Variants in ZNF180 observed in about 807,000 individuals in gnomAD.
ZNF180 encodes the protein zinc finger protein 180.
Under a neutral mutation model 11.8 loss-of-function variants are expected in ZNF180, and 11 were observed. The observed-to-expected ratio is 0.93, with a 90% CI of 0.59 to 1.55. The LOEUF (loss-of-function observed/expected upper bound fraction) is 1.55, where lower values mean the gene tolerates loss of function less well. ZNF180 is among the 40% of genes most tolerant of loss of function. The pLI is 0.00. For missense variants in ZNF180, 773 were observed against 781.7 expected, an observed-to-expected ratio of 0.99 and a Z score of 0.13; for synonymous variants, 287 against 257.7, an observed-to-expected ratio of 1.11 and a Z score of -1.09.
intron 2 of ZNF180, among the ~76,000 whole-genome samples, chr19:44,491,895 A>T (rs547135913): frequency 2.0e-5 from 3 of 152,188 alleles, no homozygotes; most frequent in Non-Finnish European, 4.4e-5. Flanking sequence ...TTTTTTGAAG[A>T]AAAGAGTAAT....
intron 1 of ZNF180, among the ~76,000 whole-genome samples, chr19:44,498,599 C>A (rs966661223): frequency 3.3e-5 from 5 of 152,110 alleles, no homozygotes; most frequent in Non-Finnish European, 7.4e-5. Context: ...CACAAAGACC[C>A]CAGCACCCTC....
chr19:44,484,561 T>C (rs1970173840), intron 2 of ZNF180, 126 bp from the exon 3 acceptor site: 1 of 691,894 alleles, frequency 1.4e-6, no homozygotes, highest in African/African-American at 1.7e-5. Flanking sequence ...TCCCACCATA[T>C]TTCTCCTCCC....
At chr19:44,480,418 C>A (rs2571050) in intron 3 of ZNF180, among the ~76,000 whole-genome samples, 1 of 152,130 alleles carries the variant, frequency 6.6e-6, no homozygotes, top group Non-Finnish European at 1.5e-5. Context: ...TTGTCTTTCC[C>A]TGGCGAGTTT....
At chr19:44,484,033 C>T (rs1970153882) in intron 3 of ZNF180, among the ~76,000 whole-genome samples, 1 of 148,254 alleles carries the variant, frequency 6.7e-6, no homozygotes, top group Non-Finnish European at 1.5e-5. Flanking sequence ...CTCACTCTGT[C>T]GCCCAGGCTG....
intron 3 of ZNF180, among the ~76,000 whole-genome samples, chr19:44,483,400 A>G (rs1336251497): frequency 1.3e-5 from 2 of 152,244 alleles, no homozygotes; most frequent in Admixed American, 1.3e-4. Context: ...TCAATCTGCT[A>G]TCTGTGGAAA....
At chr19:44,492,764 T>C (rs1970481744) in intron 2 of ZNF180, among the ~76,000 whole-genome samples, 1 of 139,892 alleles carries the variant, frequency 7.1e-6, no homozygotes, top group African/African-American at 2.8e-5. Flanking sequence ...GACTCAATTC[T>C]CAGAGCTTTG....
chr19:44,497,406 G>T, intron 1 of ZNF180, 29 bp from the exon 2 acceptor site: 6 of 1,571,566 alleles, frequency 3.8e-6, no homozygotes, highest in Non-Finnish European at 5.2e-6. Flanking sequence ...ACAGCATGAA[G>T]ATGTAGGTCT....
chr19:44,487,035 T>C (rs567562062), intron 2 of ZNF180, among the ~76,000 whole-genome samples: 6 of 151,970 alleles, frequency 3.9e-5, no homozygotes, highest in Admixed American at 1.3e-4. Context: ...AGAGTGAGAC[T>C]CCATCTCAAA....
In ZNF180 at chr19:44,476,663, T is replaced by C; in HGVS notation, c.1737A>G (p.Glu579=). 1.2e-6 allele frequency: 2 copies of C among 1,614,192 alleles called. No individual in the cohort carries two copies. Among genetic ancestry groups the C allele is most frequent in the Non-Finnish European group, 1.7e-6 (2 of 1,179,996 alleles). ...QRTHTGEKPY[E]CSQCGKSFRQ... is the part of the protein sequence containing the mutation. ...TGAAGGACTTCCCACATTGACTGCATTCATAGGGCTTTTCTCCAGTATGAG... is the reference window on the plus strand; with the variant it reads ...TGAAGGACTTCCCACATTGACTGCACTCATAGGGCTTTTCTCCAGTATGAG... Residue 579 remains glutamate (E), a synonymous_variant, in exon 5 of 5, where the codon GAA becomes GAG. Coordinates refer to ENST00000592529, the MANE Select transcript of ZNF180 (RefSeq NM_001278509.3).
intron 2 of ZNF180, chr19:44,485,254 G>A (rs1017272874): frequency 2.0e-5 from 3 of 151,352 alleles, no homozygotes. Context: ...TCAGTAAAAG[G>A]TAGCCTCAAC....
chr19:44,477,456 TGAGTAAGGGAG>T lies in ZNF180; in HGVS notation c.933_943del (p.Ser312LysfsTer5), dbSNP rs1189477576. 1 of 1,614,092 alleles carries T rather than the reference TGAGTAAGGGAG, an allele frequency of 6.2e-7. No individual in the cohort carries two copies. On this transcript the variant is annotated frameshift_variant, in exon 5 of 5. Transcript: ENST00000592529. LOFTEE classifies it low-confidence loss of function (END_TRUNC). ...CTCTTCAGAATTATTTCTCATGTTT[TGAGTAAGGGAG>T]GAACTATGAGAGGTTTCACTACATT... is the stretch of plus-strand genomic sequence containing the variant.
rs1969873534 is a variant in ZNF180 at position 44,476,459 on chromosome 19, A to G, written c.1941T>C (p.Tyr647=). 1.2e-6 allele frequency: 2 copies of G among 1,613,676 alleles called. No individual in the cohort carries two copies. Among genetic ancestry groups the G allele is most frequent in the South Asian group, 1.1e-5 (1 of 91,034 alleles). ...IQCGKAFINS[Y]KLIRHQATHT... The stretch of plus-strand genomic sequence containing the variant: ...GAGTTGCCTGATGCCTAATAAGTTT[A>G]TAGCTATTAATGAAAGCTTTTCCAC... Residue 647 remains tyrosine, a synonymous_variant, in exon 5 of 5, where the codon TAT becomes TAC. Transcript: ENST00000592529.
chr19:44,476,281 G>T lies in ZNF180; in HGVS notation c.*121C>A. The T allele has an allele frequency of 1.0e-6, 1 of 958,372 alleles. No individual in the cohort carries two copies. The highest frequency in any genetic ancestry group is 1.5e-6 in the Non-Finnish European group (1 of 679,746). The allele number at this position is 958,372 out of a possible 1,614,324, so 59.4% of individuals were successfully genotyped here. On this transcript the variant is annotated 3_prime_UTR_variant, in exon 5 of 5. Coordinates refer to ENST00000592529, the MANE Select transcript of ZNF180 (RefSeq NM_001278509.3). Reference sequence around the variant, plus strand: ...AATTTGAGACACACAATTAACAGAGGGCTGGAAGTTTTCCCACATATATTG... The same window carrying T: ...AATTTGAGACACACAATTAACAGAGTGCTGGAAGTTTTCCCACATATATTG...
chr19:44,499,457 C>T (rs1970678904), intron 1 of ZNF180, among the ~76,000 whole-genome samples: 1 of 152,226 alleles, frequency 6.6e-6, no homozygotes, highest in African/African-American at 2.4e-5. Context: ...GCAGCTCTGT[C>T]CTTCCTGGAC....
chr19:44,489,131 C>A (rs1323662365), intron 2 of ZNF180, among the ~76,000 whole-genome samples: 1 of 146,618 alleles, frequency 6.8e-6, no homozygotes, highest in African/African-American at 2.5e-5. Context: ...CCCGGCCAGC[C>A]GCCCCGTCCG....
intron 2 of ZNF180, among the ~76,000 whole-genome samples, chr19:44,490,044 AGGGAAGG>A: frequency 1.5e-5 from 2 of 131,598 alleles, no homozygotes; most frequent in South Asian, 2.6e-4. Context: ...GAAAGAGGGA[AGGGAAGG>A]GAAAGAGGGA....
chr19:44,499,662 C>T (rs1970687198), intron 1 of ZNF180, among the ~76,000 whole-genome samples: 1 of 152,170 alleles, frequency 6.6e-6, no homozygotes, highest in South Asian at 2.1e-4. Context: ...GAGTTTGCTG[C>T]CCATGGGTAA....
At chr19:44,499,925 T>C (rs1024567396) in intron 1 of ZNF180, among the ~76,000 whole-genome samples, 2 of 152,150 alleles carry the variant, frequency 1.3e-5, no homozygotes, top group Non-Finnish European at 2.9e-5. Flanking sequence ...GAGCACTCCA[T>C]CAACCCGGAC....
chr19:44,500,014 C>T lies in ZNF180; in HGVS notation c.-44+261G>A, dbSNP rs141405409. Among the ~76,000 whole-genome samples, 55 of 152,324 alleles carry T rather than the reference C, an allele frequency of 3.6e-4. 1 individual carries two copies. The East Asian group carries it at 9.8e-3, about 27-fold the overall frequency. ...ATGTCCCCTTACATCAATGCATGTG[C>T]CCTGTGTTCCAGCAACCTGGGCATC... On this transcript the variant is annotated intron_variant, in intron 1 of 4. Coordinates refer to ENST00000592529, the MANE Select transcript of ZNF180 (RefSeq NM_001278509.3).
Sources: allele counts gnomAD v4.1 joint callset (sites outside exome capture counted in the v4.1 genomes callset), GRCh38; gene constraint gnomAD v4.1.1; transcripts MANE v1.5; gene names NCBI Gene and HGNC (gene_info 2026-07-23, HGNC 2026-07-21).